CLCA4: variants seen among roughly 807,000 people sequenced by gnomAD.
CLCA4 encodes the protein chloride channel accessory 4.
CLCA4 carries 69 observed loss-of-function variants against 78.9 expected under a neutral mutation model. The ratio of observed to expected loss-of-function variants is 0.87; its 90% CI spans 0.72 to 1.07. The LOEUF is 1.07. CLCA4 is among the 50% of genes least tolerant of loss of function. CLCA4 has a pLI of 0.00. For synonymous variants in CLCA4, 362 were observed against 375.8 expected (o/e 0.96, Z 0.42); for missense variants, 1,133 against 1,095.8 (o/e 1.03, Z -0.48).
chr1:86,576,702 T>A (rs1047388308), intron 11 of CLCA4, among the ~76,000 whole-genome samples: 1 of 151,942 alleles, frequency 6.6e-6, no homozygotes, highest in Non-Finnish European at 1.5e-5. Flanking sequence ...GAACAAAGTA[T>A]AAATATAGTC....
chr1:86,580,113 T>A lies in CLCA4; in HGVS notation c.2528T>A (p.Ile843Asn). The A allele has an allele frequency of 6.2e-7, 1 of 1,612,918 alleles. No individual in the cohort carries two copies. The highest frequency in any genetic ancestry group is 8.5e-7 in the Non-Finnish European group (1 of 1,179,408). ...GAAGAAAATGCAACCCACATATTTA[T>A]TGCCATTAAAAGTATAGATAAAAGC... The part of the protein sequence containing the change: ...ISEENATHIF[I>N]AIKSIDKSNL... Residue 843 changes from isoleucine (I) to asparagine (N), a missense_variant, in exon 14 of 14, where the codon ATT becomes AAT. By Grantham distance (149) the Ile-to-Asn change is moderately radical (BLOSUM62 -3). Transcript: ENST00000370563.
At chr1:86,578,478 CT>C (rs1248287937) in intron 12 of CLCA4, among the ~76,000 whole-genome samples, 1 of 152,008 alleles carries the variant, frequency 6.6e-6, no homozygotes, top group Non-Finnish European at 1.5e-5. Flanking sequence ...CAAGTAGGCC[CT>C]AGTGCCTATT....
At position 86,580,138 on chromosome 1, in the gene CLCA4, C is replaced by G. The variant is rs1489823190; in HGVS notation, c.2553C>G (p.Ser851Arg). The G allele has an allele frequency of 6.2e-7, 1 of 1,612,356 alleles. No individual in the cohort carries two copies. Among genetic ancestry groups the G allele is most frequent in the African/African-American group, 1.3e-5 (1 of 74,910 alleles). The change falls in exon 14 of 14, where the codon AGC (serine) becomes AGG (arginine). Residue 851 changes from serine to arginine, a missense_variant. Ser to Arg is a moderately radical substitution (Grantham distance 110, BLOSUM62 -1). Transcript: ENST00000370563. ...TTGCCATTAAAAGTATAGATAAAAG[C>G]AATTTGACATCAAAAGTATCCAACA... Reference protein sequence around the residue: ...IFIAIKSIDKSNLTSKVSNIA... With the variant: ...IFIAIKSIDKRNLTSKVSNIA...
At position 86,565,407 on chromosome 1, in the gene CLCA4, C is replaced by A. The variant is rs78872817; in HGVS notation, c.691C>A (p.Gln231Lys). Reference sequence around the variant, plus strand: ...TTGTCAATTCTTTCCTGATAAAGTACAAACAGAAAAAGCATCCATAATGTT... The same window carrying A: ...TTGTCAATTCTTTCCTGATAAAGTAAAAACAGAAAAAGCATCCATAATGTT... ...KDCQFFPDKV[Q>K]TEKASIMFMQ... Residue 231 changes from glutamine to lysine, a missense_variant, in exon 5 of 14, where the codon CAA becomes AAA. By Grantham distance (53) the Gln-to-Lys change is moderately conservative (BLOSUM62 1). Transcript: ENST00000370563. 6.2e-7 allele frequency: 1 copy of A among 1,605,676 alleles called. No homozygotes were observed. Among genetic ancestry groups the A allele is most frequent in the Non-Finnish European group, 8.5e-7 (1 of 1,175,548 alleles).
intron 1 of CLCA4, chr1:86,552,909 C>G: frequency 1.5e-6 from 1 of 675,192 alleles, no homozygotes; most frequent in Non-Finnish European, 2.7e-6. Flanking sequence ...ATCCATCTCC[C>G]AGACGCTCCT....
intron 4 of CLCA4, among the ~76,000 whole-genome samples, chr1:86,564,495 A>C (rs1167410584): frequency 1.3e-5 from 2 of 152,154 alleles, no homozygotes; most frequent in South Asian, 2.1e-4. Context: ...CTGCTGCAGA[A>C]TATTCAGCAT....
chr1:86,575,235 C>A, intron 10 of CLCA4, 97 bp from the exon 11 acceptor site: 1 of 1,069,638 alleles, frequency 9.3e-7, no homozygotes, highest in Non-Finnish European at 1.3e-6. Flanking sequence ...CCTCTTTATT[C>A]TCTCCCCATT....
chr1:86,574,442 T>C, intron 9 of CLCA4, 98 bp from the exon 10 acceptor site: 1 of 917,090 alleles, frequency 1.1e-6, no homozygotes, highest in Non-Finnish European at 1.7e-6. Flanking sequence ...GTCTGCCATT[T>C]ATAAGCTTGT....
At chr1:86,556,277 T>C (rs1649838530) in intron 1 of CLCA4, among the ~76,000 whole-genome samples, 1 of 152,236 alleles carries the variant, frequency 6.6e-6, no homozygotes, top group Non-Finnish European at 1.5e-5. Context: ...CCTTGTCTTG[T>C]GCCAGTTTTC....
At position 86,578,028 on chromosome 1, in the gene CLCA4, C is replaced by T; in HGVS notation, c.2078C>T (p.Pro693Leu). The change falls in exon 12 of 14, where the codon CCT becomes CTT. Residue 693 changes from proline (P) to leucine (L), a missense_variant. Physicochemically the swap from Pro to Leu is moderately conservative, Grantham distance 98 (BLOSUM62 -3). Transcript: ENST00000370563. ...GANTARLKLR[P>L]PLNRAAYIPG... is the part of the protein sequence containing the mutation. ...AACACTGCCAGGCTAAAATTACGGC[C>T]TCCACTGAATAGAGCCGCGTACATA... 6.2e-7 allele frequency: 1 copy of T among 1,612,744 alleles called. No individual in the cohort carries two copies.
intron 7 of CLCA4, among the ~76,000 whole-genome samples, chr1:86,568,521 C>G (rs1010101939): frequency 5.3e-5 from 8 of 151,560 alleles, no homozygotes; most frequent in Non-Finnish European, 7.4e-5. Context: ...TCTTTACTGT[C>G]TCTTCACAGT....
intron 1 of CLCA4, among the ~76,000 whole-genome samples, chr1:86,549,662 G>T (rs1352014193): frequency 6.6e-6 from 1 of 152,202 alleles, no homozygotes; most frequent in Non-Finnish European, 1.5e-5. Flanking sequence ...TGGTTAAGAT[G>T]TATAGGGGAT....
At position 86,575,615 on chromosome 1, in the gene CLCA4, T is replaced by C; in HGVS notation, c.1951+16T>C. 1 of 1,607,082 alleles carries C rather than the reference T, an allele frequency of 6.2e-7. No homozygotes were observed. The highest frequency in any genetic ancestry group is 8.5e-7 in the Non-Finnish European group (1 of 1,175,710). On this transcript the variant is annotated intron_variant, in intron 11 of 13. Transcript: ENST00000370563. ...AATGGTGCAGGTAATTCACAGGTTT[T>C]TATGAATAAGCCAATATTTTCCTAA... is the stretch of plus-strand genomic sequence containing the variant.
intron 2 of CLCA4, 65 bp from the exon 3 acceptor site, chr1:86,560,146 G>A: frequency 2.6e-6 from 4 of 1,561,670 alleles, no homozygotes; most frequent in South Asian, 2.4e-5. Context: ...TTATTTAAGA[G>A]TCTTTCTAAC....
At chr1:86,554,364 T>C (rs1036072447) in intron 1 of CLCA4, among the ~76,000 whole-genome samples, 1 of 152,214 alleles carries the variant, frequency 6.6e-6, no homozygotes, top group East Asian at 1.9e-4. Context: ...ATGGTGTATA[T>C]GTACCACAGT....
intron 7 of CLCA4, among the ~76,000 whole-genome samples, chr1:86,569,460 G>C (rs746777496): frequency 5.3e-5 from 8 of 151,860 alleles, no homozygotes; most frequent in Non-Finnish European, 8.8e-5. Context: ...CTTGTATTTT[G>C]TTTCAAGCAC....
intron 1 of CLCA4, among the ~76,000 whole-genome samples, chr1:86,558,110 A>G (rs1274209568): frequency 6.6e-6 from 1 of 152,110 alleles, no homozygotes; most frequent in Non-Finnish European, 1.5e-5. Context: ...GATTCTCTTG[A>G]AGATAACATA....
At chr1:86,557,632 A>G (rs1324875238) in intron 1 of CLCA4, among the ~76,000 whole-genome samples, 1 of 152,108 alleles carries the variant, frequency 6.6e-6, no homozygotes, top group Non-Finnish European at 1.5e-5. Context: ...TTTATGTCCA[A>G]TTATGTGGTT....
rs202199871 is a variant in CLCA4 at position 86,567,572 on chromosome 1, G to A, written c.1103G>A (p.Arg368Lys). ...ATCCAAATAAAAAGCAGTGATGAAA[G>A]AAACACACTCATGGCAGGATTACCT... Reference protein sequence around the residue: ...KLIQIKSSDERNTLMAGLPTY... With the variant: ...KLIQIKSSDEKNTLMAGLPTY... Residue 368 changes from arginine to lysine, a missense_variant, in exon 7 of 14, where the codon AGA becomes AAA. Coordinates refer to ENST00000370563, the MANE Select transcript of CLCA4 (RefSeq NM_012128.4). The A allele has an allele frequency of 8.7e-6, 14 of 1,613,234 alleles. No homozygotes were observed. The highest frequency in any genetic ancestry group is 1.3e-5 in the African/African-American group (1 of 74,870).
Sources: gnomAD v4.1 joint callset for allele counts (sites outside exome capture counted in the v4.1 genomes callset) on GRCh38, gnomAD v4.1.1 for gene constraint, MANE v1.5 for transcripts, NCBI Gene and HGNC (gene_info 2026-07-23, HGNC 2026-07-21) for gene names.